ASXL3: variants seen among roughly 807,000 people sequenced by gnomAD.
ASXL3 encodes putative Polycomb group protein ASXL3.
A neutral mutation model predicts 170.6 loss-of-function variants in ASXL3; 34 were observed. That is an observed-to-expected ratio of 0.20 (90% CI 0.15 to 0.27). The LOEUF (loss-of-function observed/expected upper bound fraction) is 0.27. ASXL3 is among the 10% of genes least tolerant of loss of function. The pLI, the probability that ASXL3 is intolerant of heterozygous loss-of-function variation, is 1.00. For synonymous variants in ASXL3, 1,002 were observed against 989.1 expected (o/e 1.01, Z -0.24); for missense variants, 2,592 against 2,695.3 (o/e 0.96, Z 0.85).
chr18:33,722,489 C>T (rs146192186), intron 8 of ASXL3, among the ~76,000 whole-genome samples: 264 of 152,208 alleles, frequency 1.7e-3, no homozygotes, highest in African/African-American at 6.0e-3. Flanking sequence ...CACAATATTC[C>T]TTTAAGCCAG....
chr18:33,742,532 A>ATAT (rs1262803714), intron 11 of ASXL3, among the ~76,000 whole-genome samples: 2 of 152,224 alleles, frequency 1.3e-5, no homozygotes, highest in Non-Finnish European at 2.9e-5. Context: ...ACTAAAAAAG[A>ATAT]TATTTCAAAA....
Position 33,743,531 on chromosome 18 carries a change from C to G in ASXL3, c.3683C>G (p.Pro1228Arg). 1 of 1,613,274 alleles carries G rather than the reference C, an allele frequency of 6.2e-7. No homozygotes were observed. Among genetic ancestry groups the G allele is most frequent in the Non-Finnish European group, 8.5e-7 (1 of 1,179,848 alleles). Reference protein sequence around the residue: ...SSTSSENSSVPMLFNKNSVPV... With the variant: ...SSTSSENSSVRMLFNKNSVPV... ...ACCTCTTCTGAAAATAGCAGTGTGC[C>G]CATGCTTTTTAATAAAAATTCTGTC... Residue 1228 changes from proline (P) to arginine (R), a missense_variant, in exon 12 of 12, where the codon CCC (proline) becomes CGC (arginine). Pro to Arg is a moderately radical substitution (Grantham distance 103). Transcript: ENST00000269197.
At chr18:33,582,531 C>T (rs993323288) in intron 1 of ASXL3, among the ~76,000 whole-genome samples, 3 of 146,656 alleles carry the variant, frequency 2.0e-5, no homozygotes, top group Admixed American at 6.6e-5. Flanking sequence ...TTAATTTGTT[C>T]CCTGAGTTTC....
At chr18:33,608,227 T>C (rs1047130012) in intron 2 of ASXL3, among the ~76,000 whole-genome samples, 4 of 151,936 alleles carry the variant, frequency 2.6e-5, no homozygotes, top group African/African-American at 9.7e-5. Context: ...TATCAAACTT[T>C]AGAACATTTT....
chr18:33,650,634 G>T (rs2065982336), intron 4 of ASXL3, among the ~76,000 whole-genome samples: 1 of 151,994 alleles, frequency 6.6e-6, no homozygotes, highest in Non-Finnish European at 1.5e-5. Context: ...ACCAAAACAG[G>T]GATAAGCAAA....
chr18:33,625,952 A>G (rs1047346405), intron 2 of ASXL3: 1 of 152,132 alleles, frequency 6.6e-6, no homozygotes, highest in African/African-American at 2.4e-5. Flanking sequence ...AACCCACTTA[A>G]TTTTGTTTTA....
chr18:33,716,163 A>G (rs915145897), intron 8 of ASXL3, among the ~76,000 whole-genome samples: 2 of 152,186 alleles, frequency 1.3e-5, no homozygotes, highest in Non-Finnish European at 2.9e-5. Flanking sequence ...GTGCAAAAGT[A>G]GATTCTAGGT....
At chr18:33,737,399 TTA>T (rs2067566685) in intron 10 of ASXL3, among the ~76,000 whole-genome samples, 1 of 152,178 alleles carries the variant, frequency 6.6e-6, no homozygotes, top group Admixed American at 6.5e-5. Context: ...TCTCTCCTGC[TTA>T]TCTTTCTCAT....
chr18:33,705,340 G>A (rs1198067711), intron 8 of ASXL3, among the ~76,000 whole-genome samples: 2 of 150,616 alleles, frequency 1.3e-5, no homozygotes, highest in East Asian at 3.9e-4. Flanking sequence ...TTTCCCAAAC[G>A]AGTGTTTGGA....
Position 33,745,905 on chromosome 18 carries a change from GCCACCGCCTCCCCCTCCCCCT to G in ASXL3, c.6063_6083del (p.Pro2022_Pro2028del). 1 of 1,606,720 alleles carries G rather than the reference GCCACCGCCTCCCCCTCCCCCT, an allele frequency of 6.2e-7. No homozygotes were observed. ...ACAAAGCACTAGTACATCCGCCGCCGCCACCGCCTCCCCCTCCCCCTCCACCCTTGGCTTTGCCCCCGCCTC... is the reference window on the plus strand; with the variant it reads ...ACAAAGCACTAGTACATCCGCCGCCGCCACCCTTGGCTTTGCCCCCGCCTC... On this transcript the variant is annotated inframe_deletion, in exon 12 of 12. Transcript: ENST00000269197.
intron 8 of ASXL3, among the ~76,000 whole-genome samples, chr18:33,690,848 T>C (rs62092396): frequency 0.082 from 12,414 of 152,206 alleles, 576 homozygotes; most frequent in African/African-American, 0.1. Context: ...CCTTGCATTT[T>C]CCTCTTCCTG....
At chr18:33,691,364 A>G (rs1040191159) in intron 8 of ASXL3, among the ~76,000 whole-genome samples, 3 of 152,172 alleles carry the variant, frequency 2.0e-5, no homozygotes, top group African/African-American at 7.2e-5. Flanking sequence ...CCCCTAGGCC[A>G]TACCTTTTTA....
In ASXL3 at chr18:33,746,512, G is replaced by A; in HGVS notation, c.6664G>A (p.Val2222Met). The change falls in exon 12 of 12, where the codon GTG becomes ATG. Residue 2222 changes from valine to methionine, a missense_variant. By Grantham distance (21) the Val-to-Met change is conservative (BLOSUM62 1). Around this residue, in one of 4 missense-constraint regions of ASXL3, gnomAD observed 22 missense variants for 51.1 expected, o/e 0.43. Coordinates refer to ENST00000269197, the MANE Select transcript of ASXL3 (RefSeq NM_030632.3). ...KCSCRLKAMI[V>M]CKGCGAFCHD... ...CTCTTGCCGGCTGAAAGCCATGATTGTGTGCAAAGGCTGTGGGGCCTTCTG... is the reference window on the plus strand; with the variant it reads ...CTCTTGCCGGCTGAAAGCCATGATTATGTGCAAAGGCTGTGGGGCCTTCTG... 6 of 1,613,912 alleles carry A rather than the reference G, an allele frequency of 3.7e-6. No individual in the cohort carries two copies. In the South Asian group the frequency reaches 5.5e-5, roughly 15 times the overall value.
At chr18:33,672,357 T>A (rs546727277) in intron 7 of ASXL3, among the ~76,000 whole-genome samples, 1 of 152,246 alleles carries the variant, frequency 6.6e-6, no homozygotes, top group South Asian at 2.1e-4. Flanking sequence ...TGAAAAAATG[T>A]AAAATTGCTG....
intron 8 of ASXL3, among the ~76,000 whole-genome samples, chr18:33,707,972 A>G (rs1334179633): frequency 1.3e-5 from 2 of 152,172 alleles, no homozygotes; most frequent in African/African-American, 2.4e-5. Context: ...TTTTATTCCT[A>G]GAATGAACTT....
chr18:33,708,595 G>A (rs2145342245), intron 8 of ASXL3, among the ~76,000 whole-genome samples: 1 of 152,174 alleles, frequency 6.6e-6, no homozygotes, highest in East Asian at 1.9e-4. Context: ...GGATGGACTT[G>A]GGGATGGTTA....
chr18:33,662,483 C>T (rs570572852), intron 5 of ASXL3, among the ~76,000 whole-genome samples: 9 of 152,224 alleles, frequency 5.9e-5, no homozygotes, highest in African/African-American at 1.9e-4. Context: ...GATGAAAGCA[C>T]ATGGTAGAGT....
intron 2 of ASXL3, among the ~76,000 whole-genome samples, chr18:33,634,635 T>C (rs911194038): frequency 6.6e-6 from 1 of 152,176 alleles, no homozygotes; most frequent in Non-Finnish European, 1.5e-5. Flanking sequence ...TTTTAAAAAC[T>C]GGATCTTGCC....
Position 33,578,705 on chromosome 18 carries a change from C to A in ASXL3, c.54+20C>A. 8.2e-7 allele frequency: 1 copy of A among 1,218,826 alleles called. No homozygotes were observed. The highest frequency in any genetic ancestry group is 1.0e-6 in the Non-Finnish European group (1 of 960,462). 75.5% of individuals were successfully genotyped at this position (1,218,826 alleles called of 1,614,324 possible). Reference sequence around the variant, plus strand: ...CGCCTGGTACGTACCGCCCCCCACACGCCGCCCGCGCCTCCCGCCGGCCCC... The same window carrying A: ...CGCCTGGTACGTACCGCCCCCCACAAGCCGCCCGCGCCTCCCGCCGGCCCC... On this transcript the variant is annotated intron_variant, in intron 1 of 11. Coordinates refer to ENST00000269197, the MANE Select transcript of ASXL3 (RefSeq NM_030632.3).
Sources: gnomAD v4.1 joint callset for allele counts (sites outside exome capture counted in the v4.1 genomes callset) on GRCh38, gnomAD v4.1.1 for gene constraint, gnomAD v4.1.1 regional missense constraint, MANE v1.5 for transcripts, NCBI Gene and HGNC (gene_info 2026-07-23, HGNC 2026-07-21) for gene names.